The following ITK variants were observed in gnomAD, a reference collection of about 807,000 sequenced individuals.
ITK encodes IL2 inducible T cell kinase, also known as tyrosine-protein kinase ITK/TSK.
In ITK, 45 loss-of-function variants were observed where a neutral mutation model predicts 87.6. The ratio of observed to expected loss-of-function variants is 0.51; its 90% CI spans 0.40 to 0.66. ITK has a LOEUF of 0.66. Among genes scored for constraint, ITK ranks in the 30% least tolerant of loss-of-function variants. The pLI, the probability that ITK is intolerant of heterozygous loss-of-function variation, is 0.00. For synonymous variants in ITK, 303 were observed against 273.6 expected, an observed-to-expected ratio of 1.11 and a Z score of -1.06; for missense variants, 605 against 766.3, an observed-to-expected ratio of 0.79 and a Z score of 2.48.
At chr5:157,228,406 C>A in intron 7 of ITK, 45 bp downstream of exon 7, 1 of 1,110,050 alleles carries the variant, frequency 9.0e-7, no homozygotes, top group African/African-American at 1.5e-5. Context: ...CCTAAGGAAT[C>A]CTCCTTAAGT....
intron 1 of ITK, among the ~76,000 whole-genome samples, chr5:157,197,164 C>G (rs958804617): frequency 1.3e-5 from 2 of 152,144 alleles, no homozygotes; most frequent in African/African-American, 4.8e-5. Flanking sequence ...CACTGAATTA[C>G]TTTATTAGAA....
intron 15 of ITK, among the ~76,000 whole-genome samples, chr5:157,248,051 G>A (rs958873266): frequency 3.3e-5 from 5 of 152,222 alleles, no homozygotes; most frequent in African/African-American, 1.2e-4. Flanking sequence ...GATCCACTGG[G>A]TTTGGGCTAG....
At chr5:157,249,223 T>C (rs1053336929) in intron 16 of ITK, among the ~76,000 whole-genome samples, 4 of 152,236 alleles carry the variant, frequency 2.6e-5, no homozygotes, top group Non-Finnish European at 4.4e-5. Context: ...TGCTACATAA[T>C]GTCACAAGCT....
At chr5:157,227,436 T>C (rs1754554580) in intron 6 of ITK, among the ~76,000 whole-genome samples, 1 of 152,206 alleles carries the variant, frequency 6.6e-6, no homozygotes, top group African/African-American at 2.4e-5. Flanking sequence ...TTTATCCTTT[T>C]TTTCTCGTGT....
rs114304770 is a variant in ITK at position 157,220,873 on chromosome 5, C to T, written c.496-1990C>T. Among the ~76,000 whole-genome samples, 709 of 152,020 alleles carry T rather than the reference C, an allele frequency of 4.7e-3. 7 individuals are homozygous for T. Among genetic ancestry groups the T allele is most frequent in the African/African-American group, 0.016 (659 of 41,466 alleles). On this transcript the variant is annotated intron_variant, in intron 5 of 16. Coordinates refer to ENST00000422843, the MANE Select transcript of ITK (RefSeq NM_005546.4). Reference sequence around the variant, plus strand: ...AGTACTTAATTAAAATTTTTTGTTGCTTTGAGACAGGGTGTCACTCTGTTG... The same window carrying T: ...AGTACTTAATTAAAATTTTTTGTTGTTTTGAGACAGGGTGTCACTCTGTTG...
intron 1 of ITK, among the ~76,000 whole-genome samples, chr5:157,206,008 C>A (rs1486287018): frequency 1.6e-5 from 2 of 124,406 alleles, no homozygotes; most frequent in African/African-American, 6.3e-5. Flanking sequence ...GTCAGTATTG[C>A]TCTGTCACCT....
chr5:157,185,395 T>C (rs936986156), intron 1 of ITK, among the ~76,000 whole-genome samples: 2 of 152,094 alleles, frequency 1.3e-5, no homozygotes, highest in African/African-American at 4.8e-5. Context: ...CGCGCCATCA[T>C]GCTTGGCTAA....
At chr5:157,232,269 C>A in intron 7 of ITK, 71 bp from the exon 8 acceptor site, 2 of 1,043,036 alleles carry the variant, frequency 1.9e-6, no homozygotes, top group Non-Finnish European at 3.0e-6. Context: ...GATTTTCTAG[C>A]ATTGTCTTTT....
At position 157,241,617 on chromosome 5, in the gene ITK, A is replaced by G. The variant is rs529972456; in HGVS notation, c.986-29A>G. ...TGGTTGCTAGAGCAAAGCCCTAACC[A>G]CTGCTTCTTGGCTTTTCAATCAACC... On this transcript the variant is annotated intron_variant, in intron 10 of 16. Coordinates refer to ENST00000422843, the MANE Select transcript of ITK (RefSeq NM_005546.4). The G allele has an allele frequency of 4.7e-5, 73 of 1,560,426 alleles. No individual in the cohort carries two copies. The South Asian group carries it at 7.3e-4, about 16-fold the overall frequency.
At chr5:157,235,386 C>G (rs773841706) in intron 8 of ITK, among the ~76,000 whole-genome samples, 5 of 152,154 alleles carry the variant, frequency 3.3e-5, no homozygotes, top group Non-Finnish European at 7.3e-5. Flanking sequence ...CTTCCCTCGC[C>G]CTAGCTATGG....
intron 1 of ITK, among the ~76,000 whole-genome samples, chr5:157,205,711 C>T (rs148136560): frequency 6.7e-4 from 102 of 152,278 alleles, no homozygotes; most frequent in African/African-American, 1.6e-3. Context: ...CTTCAGCTTT[C>T]GCCCATTCAG....
intron 1 of ITK, among the ~76,000 whole-genome samples, chr5:157,191,297 C>T (rs867581502): frequency 6.6e-6 from 1 of 152,140 alleles, no homozygotes; most frequent in African/African-American, 2.4e-5. Context: ...AATCATCTCA[C>T]TCCATGTTTT....
chr5:157,197,655 C>A (rs1753878913), intron 1 of ITK, among the ~76,000 whole-genome samples: 1 of 152,160 alleles, frequency 6.6e-6, no homozygotes, highest in Non-Finnish European at 1.5e-5. Flanking sequence ...TGCTTTAAAT[C>A]TGCTCTTTAA....
chr5:157,185,076 G>A (rs1753614443), intron 1 of ITK, among the ~76,000 whole-genome samples: 1 of 152,072 alleles, frequency 6.6e-6, no homozygotes. Flanking sequence ...ATTAAAGATG[G>A]TAGGTGGGGA....
intron 15 of ITK, among the ~76,000 whole-genome samples, chr5:157,247,882 T>C (rs1405207099): frequency 6.6e-6 from 1 of 152,246 alleles, no homozygotes; most frequent in Non-Finnish European, 1.5e-5. Flanking sequence ...CATCTGTGTA[T>C]TAAAGCAATC....
Position 157,253,630 on chromosome 5 carries a change from G to A in ITK, c.*952G>A, listed in dbSNP as rs1271616365. The A allele has an allele frequency of 1.8e-5, 4 of 227,178 alleles. No homozygotes were observed. The highest frequency in any genetic ancestry group is 3.5e-5 in the Non-Finnish European group (4 of 114,334). 14.1% of individuals were successfully genotyped at this position (227,178 alleles called of 1,614,324 possible). ...CTCTGGGAATCAGCCCCCCCTCTCT[G>A]CACTATCCGATCCTCATCAACAGAG... On this transcript the variant is annotated 3_prime_UTR_variant, in exon 17 of 17. Transcript: ENST00000422843.
At chr5:157,251,718 C>A (rs1755141697) in intron 16 of ITK, among the ~76,000 whole-genome samples, 1 of 152,216 alleles carries the variant, frequency 6.6e-6, no homozygotes, top group Non-Finnish European at 1.5e-5. Flanking sequence ...CATTGTTTTA[C>A]ATATGGATGT....
chr5:157,213,726 C>T, intron 3 of ITK: 1 of 345,062 alleles, frequency 2.9e-6, no homozygotes, highest in Non-Finnish European at 5.7e-6. Flanking sequence ...AGCAGACCCC[C>T]CTTTTTTTTC....
In ITK at chr5:157,190,608, G is replaced by C. The variant is rs147577965; in HGVS notation, c.138+9493G>C. Among the ~76,000 whole-genome samples, 44 of 152,334 alleles carry C rather than the reference G, an allele frequency of 2.9e-4. No individual in the cohort carries two copies. The East Asian group carries it at 5.8e-3, about 20-fold the overall frequency. Reference sequence around the variant, plus strand: ...AGTGTATAACTGCATAGGGCAGATAGAGAATGTGGTAGGTTCTATGGCAAG... The same window carrying C: ...AGTGTATAACTGCATAGGGCAGATACAGAATGTGGTAGGTTCTATGGCAAG... On this transcript the variant is annotated intron_variant, in intron 1 of 16. Coordinates refer to ENST00000422843, the MANE Select transcript of ITK (RefSeq NM_005546.4).
Sources: gnomAD v4.1 joint callset for allele counts (sites outside exome capture counted in the v4.1 genomes callset) on GRCh38, gnomAD v4.1.1 for gene constraint, MANE v1.5 for transcripts, NCBI Gene and HGNC (gene_info 2026-07-23, HGNC 2026-07-21) for gene names.